UTRN: variants seen among roughly 807,000 people sequenced by gnomAD.
UTRN encodes utrophin.
Under a neutral mutation model 463.9 loss-of-function variants are expected in UTRN, and 283 were observed. The observed-to-expected ratio is 0.61, with a 90% CI of 0.55 to 0.67. The LOEUF is 0.67. Among genes scored for constraint, UTRN ranks in the 30% least tolerant of loss-of-function variants. The pLI is 0.00. For synonymous variants in UTRN, 1,442 were observed against 1,431.5 expected, an observed-to-expected ratio of 1.01 and a Z score of -0.17; for missense variants, 3,922 against 4,084.3, an observed-to-expected ratio of 0.96 and a Z score of 1.08.
rs139482932 is a variant in UTRN at position 144,458,866 on chromosome 6, T to G, written c.2381T>G (p.Ile794Ser). 7.9e-5 allele frequency: 127 copies of G among 1,613,624 alleles called. No homozygotes were observed. Among genetic ancestry groups the G allele is most frequent in the Non-Finnish European group, 1.0e-4 (122 of 1,179,924 alleles). The change falls in exon 20 of 75, where the codon ATT becomes AGT. Residue 794 changes from isoleucine to serine, a missense_variant. This residue lies in a region of UTRN where 2,349 missense variants were observed against 2,303.8 expected (regional missense o/e 1.02). Transcript: ENST00000367545. The stretch of plus-strand genomic sequence containing the variant: ...CATTTGGAAGATCTAGAAAGAAAGA[T>G]TCAGCTACAGGAAGATATAAATGCT... ...SQHLEDLERK[I>S]QLQEDINAYF...
At chr6:144,535,656 A>T (rs1386655869) in intron 43 of UTRN, among the ~76,000 whole-genome samples, 1 of 152,132 alleles carries the variant, frequency 6.6e-6, no homozygotes, top group African/African-American at 2.4e-5. Flanking sequence ...TTAAATTGGG[A>T]CCATTTTGGG....
chr6:144,368,410 A>G (rs1273464751), intron 2 of UTRN, among the ~76,000 whole-genome samples: 2 of 152,196 alleles, frequency 1.3e-5, no homozygotes, highest in Non-Finnish European at 2.9e-5. Flanking sequence ...TTAATTTGTT[A>G]ATTTTTATAT....
chr6:144,846,704 C>A, intron 73 of UTRN, 101 bp from the exon 74 acceptor site: 2 of 1,504,388 alleles, frequency 1.3e-6, no homozygotes, highest in Non-Finnish European at 1.8e-6. Context: ...TATTATTACC[C>A]TATGTAGAGT....
At chr6:144,337,206 A>G (rs1423375533) in intron 2 of UTRN, among the ~76,000 whole-genome samples, 2 of 149,632 alleles carry the variant, frequency 1.3e-5, no homozygotes, top group African/African-American at 5.0e-5. Flanking sequence ...ACACACACAC[A>G]CACACACACA....
intron 51 of UTRN, among the ~76,000 whole-genome samples, chr6:144,628,665 AATC>A (rs1450149373): frequency 1.3e-5 from 2 of 152,186 alleles, no homozygotes; most frequent in Non-Finnish European, 2.9e-5. Flanking sequence ...TCCTAAATAG[AATC>A]ATCCAAAAGA....
rs969822484 is a variant in UTRN, at chr6:144,343,738, A to G, written c.79+51831A>G. Among the ~76,000 whole-genome samples the G allele has an allele frequency of 3.9e-5, 6 of 152,150 alleles. No homozygotes were observed. In the East Asian group the frequency reaches 9.6e-4, roughly 24 times the overall value. On this transcript the variant is annotated intron_variant, in intron 2 of 74. Coordinates refer to ENST00000367545, the MANE Select transcript of UTRN (RefSeq NM_007124.3). ...CTTCCCCAAGGTGTGTATAACTACT[A>G]TAGTGAAATAATAAGTCCAATTTAT...
At chr6:144,374,085 A>G (rs1010713956) in intron 2 of UTRN, among the ~76,000 whole-genome samples, 1 of 152,178 alleles carries the variant, frequency 6.6e-6, no homozygotes. Context: ...TTTGATTTAT[A>G]TAATTGGGTA....
At chr6:144,552,667 A>G (rs1799030592) in intron 48 of UTRN, among the ~76,000 whole-genome samples, 1 of 152,126 alleles carries the variant, frequency 6.6e-6, no homozygotes, top group South Asian at 2.1e-4. Flanking sequence ...TCCTCATTAT[A>G]TGAAAAACCC....
intron 2 of UTRN, among the ~76,000 whole-genome samples, chr6:144,349,888 C>G (rs1194770981): frequency 6.6e-6 from 1 of 152,164 alleles, no homozygotes; most frequent in Non-Finnish European, 1.5e-5. Flanking sequence ...CACAGCGACT[C>G]CCTCGCTCCT....
chr6:144,687,472 A>G (rs1333961583), intron 52 of UTRN, among the ~76,000 whole-genome samples: 1 of 152,216 alleles, frequency 6.6e-6, no homozygotes, highest in Non-Finnish European at 1.5e-5. Flanking sequence ...AGGTTATTAT[A>G]TAATAATGAA....
intron 28 of UTRN, among the ~76,000 whole-genome samples, chr6:144,486,974 T>C (rs1004410672): frequency 1.3e-5 from 2 of 152,222 alleles, no homozygotes; most frequent in African/African-American, 4.8e-5. Context: ...ATTAGATTTA[T>C]GTATATAAAA....
chr6:144,375,519 C>G (rs760832147), intron 2 of UTRN, among the ~76,000 whole-genome samples: 1 of 152,180 alleles, frequency 6.6e-6, no homozygotes, highest in Non-Finnish European at 1.5e-5. Context: ...GATCATTTCA[C>G]AGTTTCCTGG....
intron 61 of UTRN, among the ~76,000 whole-genome samples, chr6:144,785,870 A>G (rs1442243999): frequency 6.6e-6 from 1 of 152,232 alleles, no homozygotes; most frequent in East Asian, 1.9e-4. Flanking sequence ...AAAGGTCTTA[A>G]TTTCACAATC....
intron 43 of UTRN, among the ~76,000 whole-genome samples, chr6:144,534,445 C>G (rs1215469856): frequency 6.6e-6 from 1 of 152,194 alleles, no homozygotes; most frequent in Admixed American, 6.5e-5. Context: ...GCACAGAACT[C>G]TCTGGCCAAA....
At chr6:144,591,144 C>G (rs1803024926) in intron 51 of UTRN, among the ~76,000 whole-genome samples, 1 of 152,044 alleles carries the variant, frequency 6.6e-6, no homozygotes, top group Non-Finnish European at 1.5e-5. Context: ...CTGAAGTAAC[C>G]CTTACATCTT....
At chr6:144,813,774 G>A (rs1348929804) in intron 65 of UTRN, among the ~76,000 whole-genome samples, 2 of 152,172 alleles carry the variant, frequency 1.3e-5, no homozygotes, top group Non-Finnish European at 2.9e-5. Context: ...GATATTTAAT[G>A]GAAAGCTGGC....
intron 51 of UTRN, among the ~76,000 whole-genome samples, chr6:144,671,436 C>T (rs1326760069): frequency 6.6e-6 from 1 of 151,776 alleles, no homozygotes; most frequent in Non-Finnish European, 1.5e-5. Context: ...TTGTTCTCGG[C>T]TTGGTCACTG....
chr6:144,717,990 G>A (rs561422205), intron 53 of UTRN, among the ~76,000 whole-genome samples: 1 of 152,088 alleles, frequency 6.6e-6, no homozygotes, highest in Admixed American at 6.5e-5. Context: ...TCCCTTAGAA[G>A]AGTTAAGTCA....
At chr6:144,751,985 T>C (rs1340465825) in intron 56 of UTRN, 33 bp downstream of exon 56, 1 of 1,567,712 alleles carries the variant, frequency 6.4e-7, no homozygotes, top group African/African-American at 1.4e-5. Flanking sequence ...AATGCAGGCT[T>C]ACACCTTGGG....
Sources: allele counts gnomAD v4.1 joint callset (sites outside exome capture counted in the v4.1 genomes callset), GRCh38; gene constraint gnomAD v4.1.1; regional missense constraint gnomAD v4.1.1; transcripts MANE v1.5; gene names NCBI Gene and HGNC (gene_info 2026-07-23, HGNC 2026-07-21).